Variants in SETD7 observed in about 807,000 individuals in gnomAD.
The protein encoded by SETD7 is SET domain containing 7, histone lysine methyltransferase.
Under a neutral mutation model 41.8 loss-of-function variants are expected in SETD7, and 16 were observed. That is an observed-to-expected ratio of 0.38 (90% CI 0.26 to 0.58). SETD7 has a LOEUF of 0.58. SETD7 is among the 20% of genes least tolerant of loss of function. The pLI is 0.64. For synonymous variants in SETD7, 163 were observed against 169.7 expected, an observed-to-expected ratio of 0.96 and a Z score of 0.31; for missense variants, 346 against 459.7, an observed-to-expected ratio of 0.75 and a Z score of 2.26.
Position 139,506,894 on chromosome 4 carries a change from T to C in SETD7, c.*4769A>G, listed in dbSNP as rs1726718703. The C allele has an allele frequency of 6.6e-6, 1 of 152,650 alleles. No individual in the cohort carries two copies. Among genetic ancestry groups the C allele is most frequent in the African/African-American group, 2.4e-5 (1 of 41,448 alleles). The allele number at this position is 152,650 out of a possible 1,614,324, so 9.5% of individuals were successfully genotyped here. On this transcript the variant is annotated 3_prime_UTR_variant, in exon 8 of 8. Coordinates refer to ENST00000274031, the MANE Select transcript of SETD7 (RefSeq NM_030648.4). ...AGGATTTTTGTTATCGGAGGACGTC[T>C]CTCTCTCTGGTTGGAAGTTTGGTGC...
chr4:139,555,989 G>C lies in SETD7; in HGVS notation c.40+109C>G. On this transcript the variant is annotated intron_variant, in intron 1 of 7. Transcript: ENST00000274031. This position sits in a 1 kb window ranked among gnomAD's most constrained non-coding sequence, Gnocchi z 4.0. ...CCGGGCAACCGGCCACCCGTGTAGGGGACAGTGGCGGCCGCGGGGCCCGGC... is the reference window on the plus strand; with the variant it reads ...CCGGGCAACCGGCCACCCGTGTAGGCGACAGTGGCGGCCGCGGGGCCCGGC... 8.6e-7 allele frequency: 1 copy of C among 1,162,208 alleles called. No homozygotes were observed. Among genetic ancestry groups the C allele is most frequent in the African/African-American group, 1.6e-5 (1 of 62,368 alleles). The allele number at this position is 1,162,208 out of a possible 1,614,324, so 72.0% of individuals were successfully genotyped here.
chr4:139,512,752 C>CTTTTTTTTTT (rs140570195), intron 7 of SETD7, among the ~76,000 whole-genome samples: 1 of 75,536 alleles, frequency 1.3e-5, no homozygotes, highest in African/African-American at 4.9e-5. Context: ...TTTTCTTATT[C>CTTTTTTTTTT]TTTTTTTTTT....
intron 7 of SETD7, among the ~76,000 whole-genome samples, chr4:139,497,050 CT>C (rs1188054907): frequency 6.6e-6 from 1 of 152,188 alleles, no homozygotes; most frequent in East Asian, 1.9e-4. Context: ...TTTTAAAGAC[CT>C]GTATGACACA....
At chr4:139,503,695 C>T (rs574542089), downstream of SETD7, among the ~76,000 whole-genome samples, 2 of 151,702 alleles carry the variant, frequency 1.3e-5, no homozygotes, top group South Asian at 4.2e-4. Flanking sequence ...AGAGACTAAC[C>T]TCCCTTCTTC....
chr4:139,495,139 T>A (rs1341447188), downstream of SETD7, among the ~76,000 whole-genome samples: 1 of 152,250 alleles, frequency 6.6e-6, no homozygotes, highest in East Asian at 1.9e-4. Context: ...AGTAATATCA[T>A]TTCTACTGTG....
intron 5 of SETD7, among the ~76,000 whole-genome samples, chr4:139,522,823 G>T (rs1340870303): frequency 1.4e-5 from 2 of 143,976 alleles, no homozygotes; most frequent in Non-Finnish European, 3.0e-5. Context: ...GCATGATCTC[G>T]GCTCACTGTA....
In SETD7 at chr4:139,513,558, C is replaced by T. The variant is rs1421565452; in HGVS notation, c.921-1715G>A. 2.0e-5 allele frequency among the ~76,000 whole-genome samples: 3 copies of T among 152,080 alleles called. No individual in the cohort carries two copies. The East Asian group carries it at 5.8e-4, about 29-fold the overall frequency. ...TTTTATGTGGAGTAAAAAGGAACAA[C>T]CTTTACCTCACACCAAAGGGGCCTC... is the stretch of plus-strand genomic sequence containing the variant. On this transcript the variant is annotated intron_variant, in intron 7 of 7. Transcript: ENST00000274031.
chr4:139,511,337 C>T lies in SETD7; in HGVS notation c.*326G>A. The T allele has an allele frequency of 3.4e-6, 1 of 298,474 alleles. No homozygotes were observed. Among genetic ancestry groups the T allele is most frequent in the South Asian group, 3.6e-5 (1 of 27,586 alleles). 18.5% of individuals were successfully genotyped at this position (298,474 alleles called of 1,614,324 possible). Reference sequence around the variant, plus strand: ...CACTGACTAAAAATGACTGAAAAACCCCGTTTCCCTGTTTCAGTCTAATCA... The same window carrying T: ...CACTGACTAAAAATGACTGAAAAACTCCGTTTCCCTGTTTCAGTCTAATCA... On this transcript the variant is annotated 3_prime_UTR_variant, in exon 8 of 8. Coordinates refer to ENST00000274031, the MANE Select transcript of SETD7 (RefSeq NM_030648.4).
At chr4:139,542,572 C>T (rs899429233) in intron 2 of SETD7, among the ~76,000 whole-genome samples, 5 of 151,470 alleles carry the variant, frequency 3.3e-5, no homozygotes, top group East Asian at 1.9e-4. Context: ...TATATTTTAC[C>T]TTGAATATGT....
At chr4:139,536,585 G>A (rs758140718) in intron 2 of SETD7, among the ~76,000 whole-genome samples, 14 of 151,770 alleles carry the variant, frequency 9.2e-5, no homozygotes, top group Admixed American at 4.6e-4. Context: ...GGTAGCACAT[G>A]CTTGTAATCA....
At chr4:139,511,945 C>T in intron 7 of SETD7, 102 bp from the exon 8 acceptor site, 1 of 1,478,958 alleles carries the variant, frequency 6.8e-7, no homozygotes, top group Non-Finnish European at 8.9e-7. Flanking sequence ...GGCACTCTTC[C>T]CTGGGCACAC....
At chr4:139,499,974 A>G (rs1347146202) in intron 7 of SETD7, among the ~76,000 whole-genome samples, 1 of 152,150 alleles carries the variant, frequency 6.6e-6, no homozygotes, top group African/African-American at 2.4e-5. Flanking sequence ...TTGTCCAAAC[A>G]TATTTCATAC....
chr4:139,503,066 T>G (rs140985768), downstream of SETD7, among the ~76,000 whole-genome samples: 263 of 150,686 alleles, frequency 1.7e-3, no homozygotes, highest in Non-Finnish European at 2.6e-3. Flanking sequence ...TAGTCCCAGC[T>G]ACTTGGGAGC....
intron 3 of SETD7, among the ~76,000 whole-genome samples, chr4:139,530,391 G>A (rs1727450319): frequency 7.1e-6 from 1 of 140,584 alleles, no homozygotes; most frequent in African/African-American, 2.8e-5. Flanking sequence ...TCTAGGAAAA[G>A]GGATGTAAAT....
intron 4 of SETD7, among the ~76,000 whole-genome samples, chr4:139,525,008 G>A (rs193118567): frequency 3.3e-5 from 5 of 152,256 alleles, no homozygotes; most frequent in African/African-American, 1.2e-4. Context: ...GTAGAGATGG[G>A]GTTTCGCCCT....
At chr4:139,495,702 G>C (rs1215205980), downstream of SETD7, among the ~76,000 whole-genome samples, 1 of 152,140 alleles carries the variant, frequency 6.6e-6, no homozygotes, top group African/African-American at 2.4e-5. Context: ...ACCACATATG[G>C]GAATTACAAT....
At chr4:139,501,606 C>A (rs937201484), downstream of SETD7, among the ~76,000 whole-genome samples, 29 of 150,334 alleles carry the variant, frequency 1.9e-4, no homozygotes, top group African/African-American at 6.6e-4. Flanking sequence ...AAAAGGTACT[C>A]AAAAAAAAAC....
chr4:139,531,316 T>C (rs1727477712), intron 3 of SETD7, among the ~76,000 whole-genome samples: 1 of 152,216 alleles, frequency 6.6e-6, no homozygotes, highest in South Asian at 2.1e-4. Context: ...ATTGACTATG[T>C]CACAAGTAAA....
Position 139,555,479 on chromosome 4 carries a change from G to A in SETD7, c.40+619C>T, listed in dbSNP as rs1223125479. On this transcript the variant is annotated intron_variant, in intron 1 of 7. Coordinates refer to ENST00000274031, the MANE Select transcript of SETD7 (RefSeq NM_030648.4). This position sits in a 1 kb window ranked among gnomAD's most constrained non-coding sequence, Gnocchi z 4.0. ...GAGGGCTGCCCGCCTCCCGGACGGC[G>A]CACGTTCGAGTCCCGGGTCGGGAGA... Among the ~76,000 whole-genome samples the A allele has an allele frequency of 6.6e-6, 1 of 152,120 alleles. No individual in the cohort carries two copies. Among genetic ancestry groups the A allele is most frequent in the East Asian group, 1.9e-4 (1 of 5,142 alleles).
Sources: allele counts gnomAD v4.1 joint callset (sites outside exome capture counted in the v4.1 genomes callset), GRCh38; gene constraint gnomAD v4.1.1; non-coding constraint Gnocchi (gnomAD v3.1); transcripts MANE v1.5; gene names NCBI Gene and HGNC (gene_info 2026-07-23, HGNC 2026-07-21).